MYRIP: variants seen among roughly 807,000 people sequenced by gnomAD.
The protein encoded by MYRIP is rab effector MyRIP.
In MYRIP, 49 loss-of-function variants were observed where a neutral mutation model predicts 98.0. The observed-to-expected ratio is 0.50, with a 90% CI of 0.40 to 0.63. MYRIP has a LOEUF of 0.63. Among genes scored for constraint, MYRIP ranks in the 30% least tolerant of loss-of-function variants. The pLI is 0.00. For synonymous variants in MYRIP, 404 were observed against 409.5 expected, an observed-to-expected ratio of 0.99 and a Z score of 0.16; for missense variants, 1,004 against 1,058.2, an observed-to-expected ratio of 0.95 and a Z score of 0.71.
chr3:40,089,852 C>T (rs748863559), intron 3 of MYRIP, among the ~76,000 whole-genome samples: 5 of 152,008 alleles, frequency 3.3e-5, no homozygotes, highest in Admixed American at 6.6e-5. Flanking sequence ...TCCAAAATTA[C>T]GTAGAGGGTC....
chr3:40,234,250 G>T lies in MYRIP; in HGVS notation c.2100+197G>T, dbSNP rs149604748. 2.3e-3 allele frequency among the ~76,000 whole-genome samples: 343 copies of T among 152,320 alleles called. 1 individual carries two copies. The highest frequency in any genetic ancestry group is 4.0e-3 in the Non-Finnish European group (274 of 68,012). On this transcript the variant is annotated intron_variant, in intron 12 of 16. Transcript: ENST00000302541. ...ACCCTAGATGAGGATTTGTGTGCAT[G>T]TGACTTATTAGGGAATGCTCCCAAG... is the stretch of plus-strand genomic sequence containing the variant.
chr3:40,129,440 CAAAAAAAAAAAAAAAAAAA>C (rs386396419), intron 3 of MYRIP, among the ~76,000 whole-genome samples: 7 of 29,372 alleles, frequency 2.4e-4, no homozygotes, highest in East Asian at 1.1e-3. Context: ...GACTCTGTCT[CAAAAAAAAAAAAAAAAAAA>C]AAAAAAAAAA....
chr3:40,021,782 AAGGAGGAATGAAAC>A (rs1382882189), intron 2 of MYRIP, among the ~76,000 whole-genome samples: 1 of 152,226 alleles, frequency 6.6e-6, no homozygotes, highest in Admixed American at 6.5e-5. Context: ...TTAGTATGTG[AAGGAGGAATGAAAC>A]AGCTTTAAAT....
At chr3:39,958,121 T>G (rs1575413637) in intron 2 of MYRIP, among the ~76,000 whole-genome samples, 2 of 152,306 alleles carry the variant, frequency 1.3e-5, no homozygotes, top group African/African-American at 4.8e-5. Context: ...AATTTATAGA[T>G]TCAATGCCAT....
intron 2 of MYRIP, among the ~76,000 whole-genome samples, chr3:39,988,334 A>G (rs1946086824): frequency 6.6e-6 from 1 of 152,054 alleles, no homozygotes; most frequent in African/African-American, 2.4e-5. Context: ...AGATTGTTGA[A>G]TATTGGCCCC....
At chr3:39,887,812 T>C (rs924862904) in intron 1 of MYRIP, among the ~76,000 whole-genome samples, 1 of 152,288 alleles carries the variant, frequency 6.6e-6, no homozygotes, top group Non-Finnish European at 1.5e-5. Flanking sequence ...CTTAAGCTGA[T>C]AAACAACTTC....
intron 1 of MYRIP, among the ~76,000 whole-genome samples, chr3:39,830,856 T>C (rs1372156141): frequency 6.6e-6 from 1 of 152,190 alleles, no homozygotes; most frequent in Non-Finnish European, 1.5e-5. Flanking sequence ...AAAAAAGAGT[T>C]GTCTAGACTC....
intron 3 of MYRIP, among the ~76,000 whole-genome samples, chr3:40,075,047 T>G (rs1476825516): frequency 2.6e-5 from 4 of 152,110 alleles, no homozygotes; most frequent in African/African-American, 9.7e-5. Flanking sequence ...AGAAAAGATA[T>G]TTTATAACTG....
chr3:40,238,337 C>A (rs1388666198), intron 12 of MYRIP, among the ~76,000 whole-genome samples: 1 of 152,234 alleles, frequency 6.6e-6, no homozygotes, highest in Non-Finnish European at 1.5e-5. Context: ...GGATGGAATT[C>A]AGCTGAGCAG....
intron 11 of MYRIP, among the ~76,000 whole-genome samples, chr3:40,214,310 G>A (rs1952051586): frequency 6.7e-6 from 1 of 149,722 alleles, no homozygotes; most frequent in Non-Finnish European, 1.5e-5. Flanking sequence ...CACTGTCCCT[G>A]CTGTTTGGGA....
intron 2 of MYRIP, among the ~76,000 whole-genome samples, chr3:39,979,578 C>T (rs1945835088): frequency 6.7e-6 from 1 of 149,080 alleles, no homozygotes; most frequent in Admixed American, 6.8e-5. Flanking sequence ...GAGGAAGTTG[C>T]AGTGAGCCAA....
chr3:39,979,891 G>T (rs1333142071), intron 2 of MYRIP, among the ~76,000 whole-genome samples: 1 of 152,178 alleles, frequency 6.6e-6, no homozygotes, highest in Non-Finnish European at 1.5e-5. Flanking sequence ...AATAAAGCCA[G>T]TAGGGAAAAG....
chr3:40,095,114 G>A (rs1192962516), intron 3 of MYRIP, among the ~76,000 whole-genome samples: 2 of 152,148 alleles, frequency 1.3e-5, no homozygotes, highest in Non-Finnish European at 2.9e-5. Context: ...GCAAGAGTTG[G>A]GGGTGAGGGG....
chr3:40,156,789 CTGTT>C (rs1237529758), intron 4 of MYRIP, among the ~76,000 whole-genome samples: 4 of 152,134 alleles, frequency 2.6e-5, no homozygotes, highest in South Asian at 2.1e-4. Flanking sequence ...ATTTGGCTCT[CTGTT>C]TGTCTGTTGT....
intron 2 of MYRIP, among the ~76,000 whole-genome samples, chr3:39,926,727 G>T (rs891503520): frequency 8.6e-5 from 13 of 151,948 alleles, no homozygotes; most frequent in Non-Finnish European, 1.5e-4. Flanking sequence ...GTGCTGTTTT[G>T]GTTATTGTAG....
intron 11 of MYRIP, among the ~76,000 whole-genome samples, chr3:40,210,445 G>T (rs1021553367): frequency 2.0e-5 from 3 of 152,066 alleles, no homozygotes; most frequent in African/African-American, 4.8e-5. Context: ...TCCATCTGCT[G>T]GTACATGAAG....
At chr3:39,857,269 G>GGAAGGAAGGAAGGAAGGAAA (rs1186257646) in intron 1 of MYRIP, among the ~76,000 whole-genome samples, 2 of 150,688 alleles carry the variant, frequency 1.3e-5, no homozygotes, top group African/African-American at 4.9e-5. Context: ...AAGGAAGGAA[G>GGAAGGAAGGAAGGAAGGAAA]GAAGGAAGGA....
intron 3 of MYRIP, among the ~76,000 whole-genome samples, chr3:40,140,508 T>C (rs959882032): frequency 9.2e-5 from 14 of 152,180 alleles, no homozygotes; most frequent in Non-Finnish European, 1.6e-4. Flanking sequence ...CACATGATAG[T>C]TCTATTTGTA....
At position 39,979,261 on chromosome 3, in the gene MYRIP, T is replaced by C. The variant is rs78633319; in HGVS notation, c.111-64789T>C. ...CAGCCTCCTGAATAGCTGGGATATA[T>C]AGACATGTGCCACTATGCTTAGCTT... On this transcript the variant is annotated intron_variant, in intron 2 of 16. Transcript: ENST00000302541. 8.5e-3 allele frequency among the ~76,000 whole-genome samples: 1,287 copies of C among 152,272 alleles called. 18 individuals carry two copies. Among genetic ancestry groups the C allele is most frequent in the African/African-American group, 0.029 (1,205 of 41,576 alleles).
Sources: allele counts gnomAD v4.1 joint callset (sites outside exome capture counted in the v4.1 genomes callset), GRCh38; gene constraint gnomAD v4.1.1; transcripts MANE v1.5; gene names NCBI Gene and HGNC (gene_info 2026-07-23, HGNC 2026-07-21).